KCNQ1: variants seen among roughly 807,000 people sequenced by gnomAD.
The protein encoded by KCNQ1 is potassium voltage-gated channel subfamily Q member 1, also known as potassium voltage-gated channel subfamily KQT member 1.
KCNQ1 carries 49 observed loss-of-function variants against 72.4 expected under a neutral mutation model. That is an observed-to-expected ratio of 0.68 (90% CI 0.54 to 0.86). KCNQ1 has a LOEUF of 0.86. Ranked by LOEUF, KCNQ1 falls within the 40% of genes least tolerant of loss-of-function variation. KCNQ1 has a pLI of 0.00. For synonymous variants in KCNQ1, 450 were observed against 412.6 expected, an observed-to-expected ratio of 1.09 and a Z score of -1.10; for missense variants, 790 against 945.1, an observed-to-expected ratio of 0.84 and a Z score of 2.15.
rs1476973420 is a variant in KCNQ1, at chr11:2,565,005, GT to G, written c.478-5621del. Among the ~76,000 whole-genome samples the G allele has an allele frequency of 2.0e-5, 3 of 152,152 alleles. No individual in the cohort carries two copies. The highest frequency in any genetic ancestry group is 7.2e-5 in the African/African-American group (3 of 41,424). On this transcript the variant is annotated intron_variant, in intron 2 of 15. Transcript: ENST00000155840. This position sits in a 1 kb window ranked among gnomAD's most constrained non-coding sequence, Gnocchi z 5.6. ...CGGTGCACTGAGGGACACTGGGCTG[GT>G]TCCCCTTTTTGGCTGTTGTGAATGT...
chr11:2,831,773 A>C (rs1590117374), intron 15 of KCNQ1, among the ~76,000 whole-genome samples: 3 of 31,778 alleles, frequency 9.4e-5, no homozygotes, highest in African/African-American at 1.2e-4. Context: ...TCCCTCCCCC[A>C]CCAGAGCCCT....
At position 2,663,343 on chromosome 11, in the gene KCNQ1, T is replaced by C; in HGVS notation, c.1514+1262T>C. ...GGCAGGAGCAGAGGTGTGAGCAGGCTGGTAGCCAGATGGGCTGCCCAGGTA... is the reference window on the plus strand; with the variant it reads ...GGCAGGAGCAGAGGTGTGAGCAGGCCGGTAGCCAGATGGGCTGCCCAGGTA... On this transcript the variant is annotated intron_variant, in intron 11 of 15. Coordinates refer to ENST00000155840, the MANE Select transcript of KCNQ1 (RefSeq NM_000218.3). This position sits in a 1 kb window ranked among gnomAD's most constrained non-coding sequence, Gnocchi z 5.2. 1 of 398,770 alleles carries C rather than the reference T, an allele frequency of 2.5e-6. No individual in the cohort carries two copies. The highest frequency in any genetic ancestry group is 3.6e-5 in the East Asian group (1 of 28,076). The allele number at this position is 398,770 out of a possible 1,614,324, so 24.7% of individuals were successfully genotyped here.
intron 1 of KCNQ1, among the ~76,000 whole-genome samples, chr11:2,466,889 G>A (rs947660719): frequency 2.0e-5 from 3 of 152,232 alleles, no homozygotes; most frequent in African/African-American, 4.8e-5. Flanking sequence ...TCCTCTGCCC[G>A]CTCCCAGAAC....
chr11:2,458,158 C>T lies in KCNQ1; in HGVS notation c.386+12674C>T, dbSNP rs1043160830. Among the ~76,000 whole-genome samples the T allele has an allele frequency of 3.9e-5, 6 of 152,038 alleles. No homozygotes were observed. Among genetic ancestry groups the T allele is most frequent in the African/African-American group, 1.2e-4 (5 of 41,382 alleles). On this transcript the variant is annotated intron_variant, in intron 1 of 15. Transcript: ENST00000155840. The surrounding 1 kb of genome is among the most constrained non-coding windows in gnomAD (Gnocchi z 4.6). ...CCATGTCACTGGAACTTGAAGGGGT[C>T]CTTGTCTTCCCCCTTCTCCCCAAGC...
intron 11 of KCNQ1, among the ~76,000 whole-genome samples, chr11:2,749,054 A>C (rs1846182713): frequency 1.3e-5 from 2 of 152,242 alleles, no homozygotes; most frequent in Non-Finnish European, 2.9e-5. Flanking sequence ...CACTGATAGC[A>C]TAAAAAGTAA....
Position 2,663,524 on chromosome 11 carries a change from C to A in KCNQ1, c.1514+1443C>A. On this transcript the variant is annotated intron_variant, in intron 11 of 15. Transcript: ENST00000155840. The surrounding 1 kb of genome is among the most constrained non-coding windows in gnomAD (Gnocchi z 5.2). ...AGTGCCTGTATTGCCTCTTGGCTGT[C>A]CCCTCAGAGAGGGGACTGTCCCTTC... The A allele has an allele frequency of 2.5e-6, 1 of 398,596 alleles. No individual in the cohort carries two copies. The allele number at this position is 398,596 out of a possible 1,614,324, so 24.7% of individuals were successfully genotyped here.
At chr11:2,660,928 G>C (rs539390141) in intron 10 of KCNQ1, 1 of 398,658 alleles carries the variant, frequency 2.5e-6, no homozygotes, top group Admixed American at 4.4e-5. Context: ...GAGCCTGAAT[G>C]TCCATGATAT....
At chr11:2,833,201 C>T (rs1013967728) in intron 15 of KCNQ1, among the ~76,000 whole-genome samples, 3 of 152,192 alleles carry the variant, frequency 2.0e-5, no homozygotes, top group Admixed American at 1.3e-4. Flanking sequence ...GAAGCCCCTG[C>T]ACGCAAGGGG....
At chr11:2,749,127 C>T (rs1846183485) in intron 11 of KCNQ1, among the ~76,000 whole-genome samples, 2 of 152,198 alleles carry the variant, frequency 1.3e-5, no homozygotes, top group South Asian at 4.1e-4. Flanking sequence ...GAGGCTCAGG[C>T]CAGGCCAAAC....
Position 2,651,440 on chromosome 11 carries a change from C to T in KCNQ1, c.1394-10521C>T. ...TGCCCTGTGTGCAGCTCAGCAAGTG[C>T]CTGAAGTCAGAGGTAGTGCTTATGA... is the stretch of plus-strand genomic sequence containing the variant. On this transcript the variant is annotated intron_variant, in intron 10 of 15. Transcript: ENST00000155840. The surrounding 1 kb of genome is among the most constrained non-coding windows in gnomAD (Gnocchi z 6.1). The T allele has an allele frequency of 2.5e-6, 1 of 398,690 alleles. No homozygotes were observed. The highest frequency in any genetic ancestry group is 2.1e-5 in the African/African-American group (1 of 48,752). The allele number at this position is 398,690 out of a possible 1,614,324, so 24.7% of individuals were successfully genotyped here. A position where few individuals can be genotyped will look rare whatever the true frequency, so the allele number is the denominator to read the frequency against.
In KCNQ1 at chr11:2,647,200, T is replaced by C. The variant is rs1849679234; in HGVS notation, c.1394-14761T>C. 1 of 398,582 alleles carries C rather than the reference T, an allele frequency of 2.5e-6. No homozygotes were observed. Among genetic ancestry groups the C allele is most frequent in the South Asian group, 1.3e-4 (1 of 7,852 alleles). The allele number at this position is 398,582 out of a possible 1,614,324, so 24.7% of individuals were successfully genotyped here. A position where few individuals can be genotyped will look rare whatever the true frequency, so the allele number is the denominator to read the frequency against. ...TATCATGAAGAGATTTTGAATTTTATCAGATGCTTTTTCTGCATCTATTGA... is the reference window on the plus strand; with the variant it reads ...TATCATGAAGAGATTTTGAATTTTACCAGATGCTTTTTCTGCATCTATTGA... On this transcript the variant is annotated intron_variant, in intron 10 of 15. Coordinates refer to ENST00000155840, the MANE Select transcript of KCNQ1 (RefSeq NM_000218.3). The surrounding 1 kb of genome is among the most constrained non-coding windows in gnomAD (Gnocchi z 4.0).
chr11:2,777,584 C>T, intron 14 of KCNQ1: 1 of 535,944 alleles, frequency 1.9e-6, no homozygotes, highest in Admixed American at 3.7e-5. Flanking sequence ...AAACAGCAGC[C>T]ACGGCTCATA....
Position 2,544,378 on chromosome 11 carries a change from ATGTGTGCATATATGTGTATATATG to A in KCNQ1, c.477+16367_477+16390del, listed in dbSNP as rs1466323989. Among the ~76,000 whole-genome samples the A allele has an allele frequency of 2.5e-3, 351 of 141,350 alleles. 1 individual carries two copies. The highest frequency in any genetic ancestry group is 8.9e-3 in the African/African-American group (331 of 37,314). The allele number at this position is 141,350 out of a possible 152,430, so 92.7% of individuals were successfully genotyped here. A position where few individuals can be genotyped will look rare whatever the true frequency, so the allele number is the denominator to read the frequency against. On this transcript the variant is annotated intron_variant, in intron 2 of 15. Transcript: ENST00000155840. The surrounding 1 kb of genome is among the most constrained non-coding windows in gnomAD (Gnocchi z 4.4). Reference sequence around the variant, plus strand: ...TATGTGTATATATATGTGTATATATATGTGTGCATATATGTGTATATATGTGTGTGTATATATATATATGGTTAC... The same window carrying A: ...TATGTGTATATATATGTGTATATATATGTGTGTATATATATATATGGTTAC...
chr11:2,572,902 T>G lies in KCNQ1; in HGVS notation c.837T>G (p.Phe279Leu). 1 of 1,613,828 alleles carries G rather than the reference T, an allele frequency of 6.2e-7. No individual in the cohort carries two copies. The highest frequency in any genetic ancestry group is 8.5e-7 in the Non-Finnish European group (1 of 1,180,008). The change falls in exon 6 of 16, where the codon TTT (phenylalanine) becomes TTG (leucine). Residue 279 changes from phenylalanine to leucine, a missense_variant. By Grantham distance (22) the Phe-to-Leu change is conservative. Coordinates refer to ENST00000155840, the MANE Select transcript of KCNQ1 (RefSeq NM_000218.3). ...TGGGCCTCATCTTCTCCTCGTACTTTGTGTACCTGGCTGAGAAGGACGCGG... is the reference window on the plus strand; with the variant it reads ...TGGGCCTCATCTTCTCCTCGTACTTGGTGTACCTGGCTGAGAAGGACGCGG... The part of the protein sequence containing the change: ...GFLGLIFSSY[F>L]VYLAEKDAVN...
rs1027632900 is a variant in KCNQ1 at position 2,669,971 on chromosome 11, A to G, written c.1514+7890A>G. ...GGGAAGGGAAGTCTAGAGGTCCCCA[A>G]GTCACAACCTCAAATCTCGGAATGG... On this transcript the variant is annotated intron_variant, in intron 11 of 15. Coordinates refer to ENST00000155840, the MANE Select transcript of KCNQ1 (RefSeq NM_000218.3). This position sits in a 1 kb window ranked among gnomAD's most constrained non-coding sequence, Gnocchi z 5.6. The G allele has an allele frequency of 1.0e-5, 4 of 398,606 alleles. No individual in the cohort carries two copies. In the East Asian group the frequency reaches 1.1e-4, roughly 11 times the overall value. 24.7% of individuals were successfully genotyped at this position (398,606 alleles called of 1,614,324 possible). A position where few individuals can be genotyped will look rare whatever the true frequency, so the allele number is the denominator to read the frequency against.
chr11:2,522,509 C>T (rs1295193668), intron 1 of KCNQ1, among the ~76,000 whole-genome samples: 1 of 152,164 alleles, frequency 6.6e-6, no homozygotes, highest in Non-Finnish European at 1.5e-5. Flanking sequence ...GGGCAGGGAC[C>T]CCAGCTCGGC....
In KCNQ1 at chr11:2,463,170, G is replaced by A. The variant is rs994450385; in HGVS notation, c.386+17686G>A. Among the ~76,000 whole-genome samples, 3 of 152,094 alleles carry A rather than the reference G, an allele frequency of 2.0e-5. No individual in the cohort carries two copies. The highest frequency in any genetic ancestry group is 1.9e-4 in the East Asian group (1 of 5,190). On this transcript the variant is annotated intron_variant, in intron 1 of 15. Coordinates refer to ENST00000155840, the MANE Select transcript of KCNQ1 (RefSeq NM_000218.3). The surrounding 1 kb of genome is among the most constrained non-coding windows in gnomAD (Gnocchi z 7.0). ...GTCAGAGTGGGGAACTGGACGCTCCGTCCCTGGCTCAGCCTCTCCCGGCTG... is the reference window on the plus strand; with the variant it reads ...GTCAGAGTGGGGAACTGGACGCTCCATCCCTGGCTCAGCCTCTCCCGGCTG...
At position 2,461,593 on chromosome 11, in the gene KCNQ1, C is replaced by T. The variant is rs765388963; in HGVS notation, c.386+16109C>T. ...CCCAGATCACGGCTGCTTTTGTTTA[C>T]GTGGCCCCTGCTCTCACCCACAACT... On this transcript the variant is annotated intron_variant, in intron 1 of 15. Transcript: ENST00000155840. The T allele has an allele frequency of 2.4e-5, 32 of 1,359,018 alleles. 1 individual carries two copies. Among genetic ancestry groups the T allele is most frequent in the South Asian group, 1.7e-4 (15 of 88,020 alleles). 84.2% of individuals were successfully genotyped at this position (1,359,018 alleles called of 1,614,324 possible).
chr11:2,449,152 C>T (rs552068153), intron 1 of KCNQ1, among the ~76,000 whole-genome samples: 11 of 152,310 alleles, frequency 7.2e-5, no homozygotes, highest in East Asian at 1.9e-4. Flanking sequence ...TCTGAGTCTG[C>T]GTCTCATTCT....
Sources: allele counts gnomAD v4.1 joint callset (sites outside exome capture counted in the v4.1 genomes callset), GRCh38; gene constraint gnomAD v4.1.1; non-coding constraint Gnocchi (gnomAD v3.1); transcripts MANE v1.5; gene names NCBI Gene and HGNC (gene_info 2026-07-23, HGNC 2026-07-21).